NRXN1: variants seen among roughly 807,000 people sequenced by gnomAD.
NRXN1 encodes the protein neurexin-1.
A neutral mutation model predicts 150.9 loss-of-function variants in NRXN1; 39 were observed. The observed-to-expected ratio is 0.26, with a 90% CI of 0.20 to 0.34. NRXN1 has a LOEUF of 0.34. Ranked by LOEUF, NRXN1 falls within the 10% of genes least tolerant of loss-of-function variation. NRXN1 has a pLI of 1.00. For synonymous variants in NRXN1, 924 were observed against 757.0 expected, an observed-to-expected ratio of 1.22 and a Z score of -3.62; for missense variants, 1,815 against 1,949.9, an observed-to-expected ratio of 0.93 and a Z score of 1.30.
chr2:50,857,106 G>A (rs1432451842), intron 5 of NRXN1, among the ~76,000 whole-genome samples: 1 of 152,124 alleles, frequency 6.6e-6, no homozygotes, highest in Non-Finnish European at 1.5e-5. Flanking sequence ...AGTTGCATAT[G>A]TATTAAATGA....
At chr2:50,844,858 C>CG (rs1443872805) in intron 5 of NRXN1, among the ~76,000 whole-genome samples, 1 of 118,182 alleles carries the variant, frequency 8.5e-6, no homozygotes, top group Non-Finnish European at 2.2e-5. Context: ...CTCAGCTAAT[C>CG]ATTTTTTTTT....
At chr2:50,677,694 T>A (rs1689755074) in intron 5 of NRXN1, among the ~76,000 whole-genome samples, 1 of 152,154 alleles carries the variant, frequency 6.6e-6, no homozygotes, top group South Asian at 2.1e-4. Flanking sequence ...TGTTAAACCC[T>A]AGTATGTAGG....
intron 19 of NRXN1, among the ~76,000 whole-genome samples, chr2:50,080,376 G>A (rs535123470): frequency 6.6e-6 from 1 of 152,060 alleles, no homozygotes; most frequent in African/African-American, 2.4e-5. Flanking sequence ...AGTATATATA[G>A]GTTTTGGTAC....
At chr2:50,280,292 AAAC>A (rs2071252150) in intron 17 of NRXN1, among the ~76,000 whole-genome samples, 1 of 151,970 alleles carries the variant, frequency 6.6e-6, no homozygotes. Context: ...AAAAAAAAAA[AAAC>A]AGATATATTA....
intron 21 of NRXN1, among the ~76,000 whole-genome samples, chr2:49,995,491 A>G (rs954166265): frequency 2.0e-5 from 3 of 152,120 alleles, no homozygotes; most frequent in African/African-American, 7.2e-5. Flanking sequence ...CCTTAAAGAT[A>G]GGAAAAGAGG....
intron 17 of NRXN1, among the ~76,000 whole-genome samples, chr2:50,374,777 A>AT (rs1272893419): frequency 1.3e-5 from 2 of 152,172 alleles, no homozygotes; most frequent in Non-Finnish European, 2.9e-5. Flanking sequence ...TTAAAGTTAT[A>AT]TTTTCAAATC....
intron 5 of NRXN1, among the ~76,000 whole-genome samples, chr2:50,886,470 G>A (rs924795627): frequency 6.6e-6 from 1 of 151,260 alleles, no homozygotes; most frequent in Non-Finnish European, 1.5e-5. Flanking sequence ...AAGGAAATTT[G>A]CATTAGGACA....
At chr2:49,980,596 T>C (rs549002260) in intron 21 of NRXN1, among the ~76,000 whole-genome samples, 4 of 152,206 alleles carry the variant, frequency 2.6e-5, no homozygotes, top group African/African-American at 9.6e-5. Flanking sequence ...ATGAAGTATT[T>C]TAGTTGAAAA....
At chr2:50,224,526 T>C (rs2064175296) in intron 18 of NRXN1, among the ~76,000 whole-genome samples, 1 of 151,928 alleles carries the variant, frequency 6.6e-6, no homozygotes, top group South Asian at 2.1e-4. Flanking sequence ...AGGGGGAATT[T>C]AACCCTACTT....
intron 21 of NRXN1, chr2:49,970,278 A>C (rs1401094360): frequency 1.3e-5 from 2 of 152,120 alleles, no homozygotes; most frequent in African/African-American, 4.8e-5. Flanking sequence ...GGGAAATCTG[A>C]GCTAGTTACT....
chr2:50,366,425 TAGAC>T (rs1396567229), intron 17 of NRXN1, among the ~76,000 whole-genome samples: 3 of 151,814 alleles, frequency 2.0e-5, no homozygotes, highest in African/African-American at 7.3e-5. Flanking sequence ...GCTATCAACT[TAGAC>T]AGGCTGTTGT....
chr2:50,068,985 T>A (rs947099675), intron 19 of NRXN1, among the ~76,000 whole-genome samples: 1 of 152,090 alleles, frequency 6.6e-6, no homozygotes, highest in African/African-American at 2.4e-5. Context: ...TTTAAGTCAA[T>A]GGGAACAACT....
At chr2:50,159,406 G>A (rs980501012) in intron 18 of NRXN1, among the ~76,000 whole-genome samples, 3 of 151,982 alleles carry the variant, frequency 2.0e-5, no homozygotes, top group African/African-American at 7.2e-5. Context: ...TTCTATCATT[G>A]GAAGAACTGC....
intron 17 of NRXN1, among the ~76,000 whole-genome samples, chr2:50,448,217 T>C (rs143468099): frequency 3.0e-4 from 46 of 152,302 alleles, no homozygotes; most frequent in African/African-American, 1.0e-3. Flanking sequence ...TGTTCTTTCC[T>C]CATTAGCTGT....
At chr2:50,450,234 G>A (rs1411470275) in intron 17 of NRXN1, among the ~76,000 whole-genome samples, 1 of 151,994 alleles carries the variant, frequency 6.6e-6, no homozygotes, top group Non-Finnish European at 1.5e-5. Flanking sequence ...CACTTCCAAC[G>A]CTCATTTCTA....
chr2:50,283,596 A>G (rs1397806982), intron 17 of NRXN1, among the ~76,000 whole-genome samples: 1 of 152,300 alleles, frequency 6.6e-6, no homozygotes, highest in South Asian at 2.1e-4. Flanking sequence ...ATTAGTATTC[A>G]TTATACTACT....
chr2:50,139,759 C>G (rs1372333730), intron 18 of NRXN1, among the ~76,000 whole-genome samples: 1 of 152,060 alleles, frequency 6.6e-6, no homozygotes, highest in Non-Finnish European at 1.5e-5. Flanking sequence ...GTCACATAGA[C>G]TATTCTATCT....
At chr2:50,581,210 C>A (rs143620158) in intron 8 of NRXN1, among the ~76,000 whole-genome samples, 1 of 152,176 alleles carries the variant, frequency 6.6e-6, no homozygotes, top group African/African-American at 2.4e-5. Flanking sequence ...GGCACTCAAA[C>A]ATATATGCTG....
intron 18 of NRXN1, among the ~76,000 whole-genome samples, chr2:50,128,214 G>C (rs552384671): frequency 2.0e-5 from 3 of 152,230 alleles, no homozygotes; most frequent in African/African-American, 4.8e-5. Context: ...ATATCTCTGA[G>C]AAGATATGAG....
Sources: allele counts gnomAD v4.1 joint callset (sites outside exome capture counted in the v4.1 genomes callset), GRCh38; gene constraint gnomAD v4.1.1; transcripts MANE v1.5; gene names NCBI Gene and HGNC (gene_info 2026-07-23, HGNC 2026-07-21).